Variants in NME7 observed in about 807,000 individuals in gnomAD.
NME7 encodes the protein NME/NM23 family member 7, also known as nucleoside diphosphate kinase 7.
NME7 carries 41 observed loss-of-function variants against 49.1 expected under a neutral mutation model. The ratio of observed to expected loss-of-function variants is 0.83; its 90% CI spans 0.65 to 1.08. The LOEUF is 1.08. NME7 is among the 50% of genes least tolerant of loss of function. The pLI is 0.00. For synonymous variants in NME7, 139 were observed against 150.6 expected, an observed-to-expected ratio of 0.92 and a Z score of 0.56; for missense variants, 423 against 463.4, an observed-to-expected ratio of 0.91 and a Z score of 0.80.
chr1:169,298,575 G>T lies in NME7; in HGVS notation c.629C>A (p.Ser210Tyr), dbSNP rs1571367250. The T allele has an allele frequency of 6.2e-7, 1 of 1,613,814 alleles. No homozygotes were observed. The highest frequency in any genetic ancestry group is 8.5e-7 in the Non-Finnish European group (1 of 1,179,840). ...CCTTACTCTGGCCGCAGAAGCAAAA[G>T]AATCAGGGCCATGCGCTGCATTTCT... is the stretch of plus-strand genomic sequence containing the variant. ...GIRNAAHGPDSFASAAREMEL... is the reference protein window; with the variant it reads ...GIRNAAHGPDYFASAAREMEL... The change falls in exon 6 of 12, where the codon TCT becomes TAT. Residue 210 changes from serine to tyrosine, a missense_variant. Coordinates refer to ENST00000367811, the MANE Select transcript of NME7 (RefSeq NM_013330.5).
chr1:169,320,268 T>C (rs560284971), intron 3 of NME7, among the ~76,000 whole-genome samples: 3 of 152,298 alleles, frequency 2.0e-5, no homozygotes, highest in South Asian at 2.1e-4. Flanking sequence ...AGGATCTTTA[T>C]AAAGAGAGGA....
chr1:169,134,525 A>C (rs1658364538), intron 11 of NME7, among the ~76,000 whole-genome samples: 1 of 152,186 alleles, frequency 6.6e-6, no homozygotes, highest in Non-Finnish European at 1.5e-5. Flanking sequence ...AGAGAGAAAA[A>C]GGATTCTCTT....
chr1:169,305,646 G>A (rs1354164136), intron 4 of NME7, among the ~76,000 whole-genome samples: 1 of 152,166 alleles, frequency 6.6e-6, no homozygotes, highest in Non-Finnish European at 1.5e-5. Context: ...AGTATAAAGA[G>A]TAGGCTTGTT....
intron 7 of NME7, among the ~76,000 whole-genome samples, chr1:169,279,651 A>G (rs1311689166): frequency 2.0e-5 from 3 of 152,200 alleles, no homozygotes; most frequent in African/African-American, 4.8e-5. Context: ...GAGTGAGGCA[A>G]TGCCTCGCCC....
intron 6 of NME7, among the ~76,000 whole-genome samples, chr1:169,297,833 T>C (rs1393876066): frequency 6.6e-6 from 1 of 152,210 alleles, no homozygotes; most frequent in African/African-American, 2.4e-5. Flanking sequence ...GAGGCTATTG[T>C]AGCAGTTCTG....
At chr1:169,191,900 T>C (rs1408017496) in intron 10 of NME7, among the ~76,000 whole-genome samples, 1 of 152,220 alleles carries the variant, frequency 6.6e-6, no homozygotes, top group East Asian at 1.9e-4. Context: ...GAATGTGGTC[T>C]GTGGTCCAGC....
At chr1:169,149,768 G>A (rs1658857553) in intron 11 of NME7, among the ~76,000 whole-genome samples, 1 of 152,196 alleles carries the variant, frequency 6.6e-6, no homozygotes, top group Non-Finnish European at 1.5e-5. Context: ...TCAGAATGGT[G>A]TGTAATTTAA....
intron 10 of NME7, among the ~76,000 whole-genome samples, chr1:169,179,430 C>T (rs1659862280): frequency 6.6e-6 from 1 of 152,160 alleles, no homozygotes; most frequent in Non-Finnish European, 1.5e-5. Flanking sequence ...GGCAGAAATA[C>T]CGTTTGACCC....
chr1:169,362,619 C>A (rs559301824), intron 1 of NME7, among the ~76,000 whole-genome samples: 14 of 152,126 alleles, frequency 9.2e-5, no homozygotes, highest in Non-Finnish European at 1.5e-4. Flanking sequence ...GGTCAGGAAG[C>A]CTCACCAACA....
intron 7 of NME7, chr1:169,286,090 A>C (rs1423587017): frequency 6.6e-6 from 1 of 152,192 alleles, no homozygotes; most frequent in African/African-American, 2.4e-5. Context: ...TGAGGACTTA[A>C]CAGCAGCCAG....
intron 7 of NME7, among the ~76,000 whole-genome samples, chr1:169,270,032 G>A (rs1054985274): frequency 7.5e-6 from 1 of 132,866 alleles, no homozygotes; most frequent in Non-Finnish European, 1.8e-5. Flanking sequence ...CGGCCTCCTA[G>A]AGTACTGGGA....
chr1:169,328,404 G>A (rs1392141791), intron 1 of NME7, among the ~76,000 whole-genome samples: 1 of 152,064 alleles, frequency 6.6e-6, no homozygotes, highest in East Asian at 1.9e-4. Context: ...TGGCTTATAG[G>A]TCCACCTGTG....
rs964877200 is a variant in NME7, at chr1:169,262,212, G to A, written c.755-24525C>T. 8.2e-5 allele frequency among the ~76,000 whole-genome samples: 11 copies of A among 133,828 alleles called. 1 individual carries two copies. Among genetic ancestry groups the A allele is most frequent in the Admixed American group, 5.9e-4 (8 of 13,546 alleles). 87.8% of individuals were successfully genotyped at this position (133,828 alleles called of 152,430 possible). On this transcript the variant is annotated intron_variant, in intron 7 of 11. Transcript: ENST00000367811. ...CTCAGGCTATACTACTGAATGATGA[G>A]AGGCCACATGGAAAGAGTCTTTTGA... is the stretch of plus-strand genomic sequence containing the variant.
Position 169,367,722 on chromosome 1 carries a change from C to G in NME7, c.-12G>C. The G allele has an allele frequency of 6.2e-7, 1 of 1,614,158 alleles. No homozygotes were observed. Among genetic ancestry groups the G allele is most frequent in the East Asian group, 2.2e-5 (1 of 44,882 alleles). On this transcript the variant is annotated 5_prime_UTR_variant, in exon 1 of 12. Coordinates refer to ENST00000367811, the MANE Select transcript of NME7 (RefSeq NM_013330.5). The stretch of plus-strand genomic sequence containing the variant: ...CTGGCACTCACCATTGTCTCAGGAT[C>G]TCAGCACTAGAAAATAGGTATCGTT...
At position 169,206,901 on chromosome 1, in the gene NME7, A is replaced by G. The variant is rs139396048; in HGVS notation, c.990+23817T>C. ...TAGCTATAACAGTGATTAGTTGTTT[A>G]TATTTATGGAATTCTAATATTCAGT... On this transcript the variant is annotated intron_variant, in intron 10 of 11. Coordinates refer to ENST00000367811, the MANE Select transcript of NME7 (RefSeq NM_013330.5). Among the ~76,000 whole-genome samples, 688 of 152,282 alleles carry G rather than the reference A, an allele frequency of 4.5e-3. 3 individuals are homozygous for G. The highest frequency in any genetic ancestry group is 7.5e-3 in the Non-Finnish European group (508 of 68,016).
At chr1:169,343,409 T>C (rs1652847833) in intron 1 of NME7, among the ~76,000 whole-genome samples, 1 of 152,164 alleles carries the variant, frequency 6.6e-6, no homozygotes, top group African/African-American at 2.4e-5. Context: ...AAAATCAATT[T>C]ACCATGAAGG....
intron 6 of NME7, among the ~76,000 whole-genome samples, chr1:169,288,017 T>G (rs904852548): frequency 6.6e-6 from 1 of 152,198 alleles, no homozygotes; most frequent in Non-Finnish European, 1.5e-5. Flanking sequence ...GTTCTTTTAA[T>G]TATTTAGATG....
Position 169,256,466 on chromosome 1 carries a change from T to A in NME7, c.755-18779A>T, listed in dbSNP as rs1433551519. Reference sequence around the variant, plus strand: ...TGGTTATTCTAGTTATACATTCTTCTAAATCTTTTTCAAAGTTTTCAACTT... The same window carrying A: ...TGGTTATTCTAGTTATACATTCTTCAAAATCTTTTTCAAAGTTTTCAACTT... On this transcript the variant is annotated intron_variant, in intron 7 of 11. Coordinates refer to ENST00000367811, the MANE Select transcript of NME7 (RefSeq NM_013330.5). 1.5e-5 allele frequency among the ~76,000 whole-genome samples: 2 copies of A among 133,260 alleles called. 1 individual carries two copies. Among genetic ancestry groups the A allele is most frequent in the Non-Finnish European group, 3.5e-5 (2 of 56,886 alleles). 87.4% of individuals were successfully genotyped at this position (133,260 alleles called of 152,430 possible). A position where few individuals can be genotyped will look rare whatever the true frequency, so the allele number is the denominator to read the frequency against.
intron 4 of NME7, among the ~76,000 whole-genome samples, chr1:169,305,108 CAT>C (rs1218866963): frequency 1.3e-5 from 2 of 152,186 alleles, no homozygotes; most frequent in African/African-American, 4.8e-5. Context: ...TCCCTGATTC[CAT>C]AGTTATCTCC....
Sources: gnomAD v4.1 joint callset for allele counts (sites outside exome capture counted in the v4.1 genomes callset) on GRCh38, gnomAD v4.1.1 for gene constraint, MANE v1.5 for transcripts, NCBI Gene and HGNC (gene_info 2026-07-23, HGNC 2026-07-21) for gene names.